The following AMDHD2 variants were observed in gnomAD, a reference collection of about 807,000 sequenced individuals.
AMDHD2 encodes the protein N-acetylglucosamine-6-phosphate deacetylase.
A neutral mutation model predicts 41.8 loss-of-function variants in AMDHD2; 24 were observed. The ratio of observed to expected loss-of-function variants is 0.57; its 90% CI spans 0.42 to 0.81. The LOEUF (loss-of-function observed/expected upper bound fraction) is 0.81. Among genes scored for constraint, AMDHD2 ranks in the 30% least tolerant of loss-of-function variants. The pLI is 0.00. For synonymous variants in AMDHD2, 332 were observed against 255.5 expected (o/e 1.30, Z -2.85); for missense variants, 540 against 588.5 (o/e 0.92, Z 0.85).
At chr16:2,521,435 C>T (rs1751395285) in intron 3 of AMDHD2, among the ~76,000 whole-genome samples, 2 of 152,242 alleles carry the variant, frequency 1.3e-5, no homozygotes, top group Non-Finnish European at 2.9e-5. Context: ...GAAACCATCC[C>T]CTTAACCAAG....
rs538001685 is a variant in AMDHD2 at position 2,528,350 on chromosome 16, C to T, written c.832C>T (p.Leu278=). Residue 278 remains leucine, a synonymous_variant, in exon 7 of 11, where the codon CTG becomes TTG. Coordinates refer to ENST00000293971, the MANE Select transcript of AMDHD2 (RefSeq NM_001330449.2). ...TGGCACGCACACCAACCCCGCCGCC[C>T]TGCGGATCGCCCACCGTGCCCATCC... ...ADGTHTNPAA[L]RIAHRAHPQG... The T allele has an allele frequency of 4.3e-6, 7 of 1,612,886 alleles. No individual in the cohort carries two copies. The East Asian group carries it at 6.7e-5, about 15-fold the overall frequency.
Position 2,521,083 on chromosome 16 carries a change from GC to G in AMDHD2, c.324del (p.Thr109ProfsTer19). ...CTGTCGCACGGCGTCACCTCCTTCTGCCCCACCCTGGTCACTTCCCCACCGG... is the reference window on the plus strand; with the variant it reads ...CTGTCGCACGGCGTCACCTCCTTCTGCCCACCCTGGTCACTTCCCCACCGG... ...RILSHGVTSF[C>X]PTLVTSPPEV... On this transcript the variant is annotated frameshift_variant, in exon 3 of 11. Transcript: ENST00000293971. LOFTEE classifies it high-confidence loss of function. 6.2e-7 allele frequency: 1 copy of G among 1,609,034 alleles called. No homozygotes were observed. Among genetic ancestry groups the G allele is most frequent in the Non-Finnish European group, 8.5e-7 (1 of 1,176,944 alleles).
rs1231613467 is a variant in AMDHD2 at position 2,528,702 on chromosome 16, C to T, written c.1023C>T (p.His341=). ...CCCCAATGGACGTCTGTGTCCGGCA[C>T]TTCCTGCAGGCCACAGGTCAGTGAG... ...SIAPMDVCVR[H]FLQATGCSME... The change falls in exon 9 of 11, where the codon CAC becomes CAT. Residue 341 remains histidine, a synonymous_variant. Transcript: ENST00000293971. 6.2e-7 allele frequency: 1 copy of T among 1,612,716 alleles called. No homozygotes were observed. Among genetic ancestry groups the T allele is most frequent in the Non-Finnish European group, 8.5e-7 (1 of 1,179,924 alleles).
rs1371653359 is a variant in AMDHD2, at chr16:2,520,901, C to A, written c.216C>A (p.Ile72=). ...ILAPGFIDVQ[I]NGGFGVDFSQ... ...CTCCCGGATTCATCGACGTGCAGAT[C>A]AACGGTGCGGCCCGGGGCCGGCAGG... Residue 72 remains isoleucine, a synonymous_variant, in exon 2 of 11, where the codon ATC becomes ATA. Transcript: ENST00000293971. 3.1e-6 allele frequency: 5 copies of A among 1,607,642 alleles called. No individual in the cohort carries two copies. The highest frequency in any genetic ancestry group is 2.2e-5 in the South Asian group (2 of 90,448).
chr16:2,530,885 C>T lies in AMDHD2; in HGVS notation c.*1322C>T, dbSNP rs759596504. ...AGGTGTGAGGTGCAGGGATACCCACCTCTGCCTTGACGGCCGCGCACCCCT... is the reference window on the plus strand; with the variant it reads ...AGGTGTGAGGTGCAGGGATACCCACTTCTGCCTTGACGGCCGCGCACCCCT... On this transcript the variant is annotated 3_prime_UTR_variant, in exon 11 of 11. Coordinates refer to ENST00000293971, the MANE Select transcript of AMDHD2 (RefSeq NM_001330449.2). 3 of 1,613,486 alleles carry T rather than the reference C, an allele frequency of 1.9e-6. No individual in the cohort carries two copies. Among genetic ancestry groups the T allele is most frequent in the Admixed American group, 1.7e-5 (1 of 60,010 alleles).
chr16:2,530,484 G>A lies in AMDHD2; in HGVS notation c.*921G>A. 8 of 1,614,182 alleles carry A rather than the reference G, an allele frequency of 5.0e-6. No homozygotes were observed. The highest frequency in any genetic ancestry group is 6.8e-6 in the Non-Finnish European group (8 of 1,180,002). ...TCTGAGGACAGCCACAGTGGGGTCA[G>A]ACGTCAGGGATTGGTGCAGCCCCAC... On this transcript the variant is annotated 3_prime_UTR_variant, in exon 11 of 11. Coordinates refer to ENST00000293971, the MANE Select transcript of AMDHD2 (RefSeq NM_001330449.2).
chr16:2,528,193 C>T lies in AMDHD2; in HGVS notation c.718-43C>T, dbSNP rs369862659. 3 of 1,612,018 alleles carry T rather than the reference C, an allele frequency of 1.9e-6. No homozygotes were observed. The African/African-American group carries it at 4.0e-5, about 22-fold the overall frequency. On this transcript the variant is annotated intron_variant, in intron 6 of 10. Transcript: ENST00000293971. ...AGGGGCGGGGCTGGGGTCCCAGCAG[C>T]CCCTGCTGTCGCTCAGCCATCCCTT...
chr16:2,521,714 G>C (rs2065940302), intron 3 of AMDHD2, among the ~76,000 whole-genome samples: 1 of 149,878 alleles, frequency 6.7e-6, no homozygotes, highest in Non-Finnish European at 1.5e-5. Context: ...GGCTGTACCT[G>C]TGCTACTGTT....
chr16:2,531,170 G>A lies in AMDHD2; in HGVS notation c.*1607G>A. The A allele has an allele frequency of 1.4e-6, 2 of 1,462,130 alleles. No homozygotes were observed. Among genetic ancestry groups the A allele is most frequent in the Non-Finnish European group, 1.8e-6 (2 of 1,092,866 alleles). The allele number at this position is 1,462,130 out of a possible 1,614,324, so 90.6% of individuals were successfully genotyped here. The stretch of plus-strand genomic sequence containing the variant: ...GAGCCCTGGGCCAGCCTTTGGGCCT[G>A]GCCTGCCCCATTCACCGGCCAGCGC... On this transcript the variant is annotated 3_prime_UTR_variant, in exon 11 of 11. Transcript: ENST00000293971.
In AMDHD2 at chr16:2,527,691, G is replaced by C. The variant is rs1035475521; in HGVS notation, c.415+76G>C. On this transcript the variant is annotated intron_variant, in intron 4 of 10. Coordinates refer to ENST00000293971, the MANE Select transcript of AMDHD2 (RefSeq NM_001330449.2). This position sits in a 1 kb window ranked among gnomAD's most constrained non-coding sequence, Gnocchi z 6.1. ...CCTGTTGGCAGCCCCCACCCCTCCA[G>C]ATGCCCAGCTGGTGGGGAGGGCAGG... The C allele has an allele frequency of 3.2e-6, 5 of 1,564,324 alleles. No homozygotes were observed. The highest frequency in any genetic ancestry group is 1.3e-5 in the African/African-American group (1 of 74,074).
intron 9 of AMDHD2, 63 bp downstream of exon 9, chr16:2,528,781 G>T: frequency 6.3e-7 from 1 of 1,595,312 alleles, no homozygotes; most frequent in South Asian, 1.1e-5. Context: ...CAAGGGGCTG[G>T]ACCGGGTGCC....
chr16:2,522,002 T>A (rs1182428016), intron 3 of AMDHD2, among the ~76,000 whole-genome samples: 1 of 152,020 alleles, frequency 6.6e-6, no homozygotes, highest in East Asian at 1.9e-4. Context: ...GCCAGGATGG[T>A]CTCGATCTCC....
rs767879826 is a variant in AMDHD2 at position 2,520,544 on chromosome 16, G to A, written c.83+3G>A. On this transcript the variant is annotated splice_donor_region_variant and intron_variant, in intron 1 of 10. Transcript: ENST00000293971. ...CTGCGCGGAGGGAAACTGCTCAGGTGGGCGCGGGCCGGGGACTGCGGGGCT... is the reference window on the plus strand; with the variant it reads ...CTGCGCGGAGGGAAACTGCTCAGGTAGGCGCGGGCCGGGGACTGCGGGGCT... 8.9e-6 allele frequency: 11 copies of A among 1,238,742 alleles called. No homozygotes were observed. In the South Asian group the frequency reaches 2.0e-4, roughly 22 times the overall value. The allele number at this position is 1,238,742 out of a possible 1,614,324, so 76.7% of individuals were successfully genotyped here. A position where few individuals can be genotyped will look rare whatever the true frequency, so the allele number is the denominator to read the frequency against.
chr16:2,520,384 G>C lies in AMDHD2; in HGVS notation c.-75G>C, dbSNP rs531408857. 2.6e-6 allele frequency: 3 copies of C among 1,168,356 alleles called. No individual in the cohort carries two copies. Among genetic ancestry groups the C allele is most frequent in the Non-Finnish European group, 3.2e-6 (3 of 933,540 alleles). 72.4% of individuals were successfully genotyped at this position (1,168,356 alleles called of 1,614,324 possible). ...CACGTGGGCGCGGTCTCAGCTCTCG[G>C]CTGGGGTTCGTCACTGGGCGCGGGA... On this transcript the variant is annotated 5_prime_UTR_variant, in exon 1 of 11. Transcript: ENST00000293971.
Position 2,531,307 on chromosome 16 carries a change from C to T in AMDHD2, c.*1744C>T, listed in dbSNP as rs963947434. On this transcript the variant is annotated 3_prime_UTR_variant, in exon 11 of 11. Coordinates refer to ENST00000293971, the MANE Select transcript of AMDHD2 (RefSeq NM_001330449.2). ...AGGGTCAGGGTGAGAGAGAGCTGGGCCAGGGAGCTGCTGCAGGATGATTTT... is the reference window on the plus strand; with the variant it reads ...AGGGTCAGGGTGAGAGAGAGCTGGGTCAGGGAGCTGCTGCAGGATGATTTT... The T allele has an allele frequency of 4.0e-5, 22 of 550,342 alleles. 1 individual carries two copies. The highest frequency in any genetic ancestry group is 2.9e-4 in the East Asian group (10 of 34,856). The allele number at this position is 550,342 out of a possible 1,614,324, so 34.1% of individuals were successfully genotyped here.
Position 2,529,054 on chromosome 16 carries a change from T to G in AMDHD2, c.1100T>G (p.Leu367Arg). The G allele has an allele frequency of 6.3e-7, 1 of 1,599,720 alleles. No homozygotes were observed. Among genetic ancestry groups the G allele is most frequent in the Non-Finnish European group, 8.5e-7 (1 of 1,173,858 alleles). ...CTGCACCCCGCCCAGTTGCTGGGGC[T>G]GGAGAAGAGTAAGGGGACCCTGGAC... ...ASLHPAQLLG[L>R]EKSKGTLDFG... The change falls in exon 10 of 11, where the codon CTG (leucine) becomes CGG (arginine). Residue 367 changes from leucine to arginine, a missense_variant. Physicochemically the swap from Leu to Arg is moderately radical, Grantham distance 102. Transcript: ENST00000293971.
In AMDHD2 at chr16:2,531,335, G is replaced by C; in HGVS notation, c.*1772G>C. ...GGGAGCTGCTGCAGGATGATTTTGA[G>C]GTGTGGGGGAAGCACTCTTGGTTGG... On this transcript the variant is annotated 3_prime_UTR_variant, in exon 11 of 11. Transcript: ENST00000293971. The C allele has an allele frequency of 3.8e-6, 2 of 530,670 alleles. No individual in the cohort carries two copies. Among genetic ancestry groups the C allele is most frequent in the Non-Finnish European group, 6.9e-6 (2 of 290,796 alleles). The allele number at this position is 530,670 out of a possible 1,614,324, so 32.9% of individuals were successfully genotyped here. A position where few individuals can be genotyped will look rare whatever the true frequency, so the allele number is the denominator to read the frequency against.
rs368643199 is a variant in AMDHD2, at chr16:2,528,884, T to C, written c.1040-110T>C. 7.5e-6 allele frequency: 11 copies of C among 1,466,900 alleles called. No homozygotes were observed. The East Asian group carries it at 1.2e-4, about 16-fold the overall frequency. The allele number at this position is 1,466,900 out of a possible 1,614,324, so 90.9% of individuals were successfully genotyped here. ...GGTGACAGGCAGACCAGCAGGGTCCTTGTTAGCCTGCTGCAGAGTCCCTGA... is the reference window on the plus strand; with the variant it reads ...GGTGACAGGCAGACCAGCAGGGTCCCTGTTAGCCTGCTGCAGAGTCCCTGA... On this transcript the variant is annotated intron_variant, in intron 9 of 10. Transcript: ENST00000293971.
intron 3 of AMDHD2, among the ~76,000 whole-genome samples, chr16:2,523,479 C>A (rs987742306): frequency 7.2e-5 from 11 of 152,160 alleles, no homozygotes; most frequent in Non-Finnish European, 1.3e-4. Context: ...TTCTGCCTTT[C>A]TGAGCCTCCG....
Sources: allele counts gnomAD v4.1 joint callset (sites outside exome capture counted in the v4.1 genomes callset), GRCh38; gene constraint gnomAD v4.1.1; non-coding constraint Gnocchi (gnomAD v3.1); transcripts MANE v1.5; gene names NCBI Gene and HGNC (gene_info 2026-07-23, HGNC 2026-07-21).